Variants in RGS6 observed in about 807,000 individuals in gnomAD.
RGS6 encodes the protein regulator of G-protein signaling 6.
A neutral mutation model predicts 78.5 loss-of-function variants in RGS6; 30 were observed. The ratio of observed to expected loss-of-function variants is 0.38; its 90% CI spans 0.29 to 0.52. The LOEUF is 0.52. RGS6 is among the 20% of genes least tolerant of loss of function. The pLI is 0.85. For missense variants in RGS6, 495 were observed against 609.7 expected (o/e 0.81, Z 1.98); for synonymous variants, 206 against 206.0 (o/e 1.00, Z 0.00).
At chr14:72,316,896 A>AGT (rs71109731) in intron 2 of RGS6, among the ~76,000 whole-genome samples, 27,498 of 141,744 alleles carry the variant, frequency 0.19, 2,624 homozygotes, top group African/African-American at 0.24. Context: ...AAGCAGGTGA[A>AGT]GTGTGTGTGT....
At chr14:72,439,843 T>A (rs2095111284) in intron 3 of RGS6, among the ~76,000 whole-genome samples, 1 of 152,240 alleles carries the variant, frequency 6.6e-6, no homozygotes, top group Non-Finnish European at 1.5e-5. Context: ...TGCTGAAGGC[T>A]GTGGCTTCTG....
At position 71,932,670 on chromosome 14, in the gene RGS6, C is replaced by T. The variant is rs2088018720; in HGVS notation, c.-292C>T. On this transcript the variant is annotated 5_prime_UTR_variant, in exon 1 of 18. Coordinates refer to ENST00000553525, the MANE Select transcript of RGS6 (RefSeq NM_001204424.2). ...ACACCCTGTGCGCCCCGAGTCCCGG[C>T]ACCATGCGACCCGCCGCGCGTCCTC... The T allele has an allele frequency of 6.6e-6, 1 of 152,148 alleles. No individual in the cohort carries two copies. Among genetic ancestry groups the T allele is most frequent in the African/African-American group, 2.4e-5 (1 of 41,418 alleles). The allele number at this position is 152,148 out of a possible 1,614,324, so 9.4% of individuals were successfully genotyped here.
chr14:72,598,589 G>A, the RGS6 span, among the ~76,000 whole-genome samples: 57 of 152,292 alleles, frequency 3.7e-4, no homozygotes, highest in African/African-American at 1.3e-3. Flanking sequence ...GCGCAGCCTC[G>A]GAAGACAGAG....
chr14:72,168,108 A>G (rs1048253864), intron 2 of RGS6, among the ~76,000 whole-genome samples: 1 of 152,174 alleles, frequency 6.6e-6, no homozygotes, highest in African/African-American at 2.4e-5. Flanking sequence ...AAATTCTCAA[A>G]TGCTTTCAAG....
chr14:71,872,337 G>C, the RGS6 span, among the ~76,000 whole-genome samples: 10 of 152,180 alleles, frequency 6.6e-5, no homozygotes, highest in Admixed American at 5.2e-4. Context: ...GACTAGGTTT[G>C]CCTGATCTAT....
intron 2 of RGS6, among the ~76,000 whole-genome samples, chr14:72,296,928 A>G (rs1045867254): frequency 5.3e-4 from 80 of 152,208 alleles, no homozygotes; most frequent in African/African-American, 1.7e-3. Context: ...TATGTCTATG[A>G]TTCATCTTGA....
At chr14:72,452,618 G>A (rs1170243666) in intron 3 of RGS6, among the ~76,000 whole-genome samples, 1 of 152,212 alleles carries the variant, frequency 6.6e-6, no homozygotes, top group East Asian at 1.9e-4. Context: ...CTTCAGCCAG[G>A]AATCCAGCCC....
At chr14:72,131,371 A>C (rs981196930) in intron 2 of RGS6, among the ~76,000 whole-genome samples, 1 of 152,182 alleles carries the variant, frequency 6.6e-6, no homozygotes, top group Non-Finnish European at 1.5e-5. Flanking sequence ...TGTCTTAGGA[A>C]GAATCTTATT....
At chr14:72,350,611 C>A (rs2078932587) in intron 2 of RGS6, among the ~76,000 whole-genome samples, 1 of 152,152 alleles carries the variant, frequency 6.6e-6, no homozygotes, top group South Asian at 2.1e-4. Flanking sequence ...GTCCCCCTGG[C>A]ACATTGACCA....
the RGS6 span, among the ~76,000 whole-genome samples, chr14:71,898,507 TTTA>T: frequency 6.6e-6 from 1 of 152,190 alleles, no homozygotes; most frequent in Admixed American, 6.5e-5. Context: ...TACACTTTTT[TTTA>T]TTATTTTGCT....
chr14:72,274,446 G>C (rs1265680635), intron 2 of RGS6, among the ~76,000 whole-genome samples: 4 of 152,164 alleles, frequency 2.6e-5, no homozygotes, highest in African/African-American at 9.7e-5. Context: ...TTCCTCCCAT[G>C]GCCCCCTAGC....
chr14:72,448,550 TC>T (rs2095421616), intron 3 of RGS6, among the ~76,000 whole-genome samples: 2 of 152,128 alleles, frequency 1.3e-5, no homozygotes, highest in Non-Finnish European at 2.9e-5. Flanking sequence ...ACTTAGAATA[TC>T]CTTCCATTCA....
chr14:72,391,423 A>G (rs1314152263), intron 3 of RGS6, among the ~76,000 whole-genome samples: 3 of 152,154 alleles, frequency 2.0e-5, no homozygotes, highest in African/African-American at 7.2e-5. Flanking sequence ...CTCACCTCTC[A>G]TTTGAGAGAG....
chr14:71,996,251 C>A (rs948372035), intron 2 of RGS6, among the ~76,000 whole-genome samples: 2 of 151,818 alleles, frequency 1.3e-5, no homozygotes, highest in African/African-American at 4.8e-5. Flanking sequence ...TATTGGGCCA[C>A]TCCTAAGCAG....
chr14:72,445,039 C>A (rs1388490198), intron 3 of RGS6, among the ~76,000 whole-genome samples: 1 of 152,226 alleles, frequency 6.6e-6, no homozygotes, highest in African/African-American at 2.4e-5. Flanking sequence ...GTCTCTCAGC[C>A]TGGAGGTAAA....
At chr14:72,039,984 CT>C (rs2092240398) in intron 2 of RGS6, among the ~76,000 whole-genome samples, 1 of 151,910 alleles carries the variant, frequency 6.6e-6, no homozygotes, top group African/African-American at 2.4e-5. Context: ...CATAAAATTC[CT>C]TTACATCCCC....
chr14:71,908,546 TTCAG>T, the RGS6 span: 1 of 151,716 alleles, frequency 6.6e-6, no homozygotes, highest in East Asian at 1.9e-4. Context: ...CTTTTTTATA[TTCAG>T]TAAGTTGAAA....
chr14:72,136,839 T>C (rs1335403394), intron 2 of RGS6, among the ~76,000 whole-genome samples: 1 of 152,236 alleles, frequency 6.6e-6, no homozygotes, highest in African/African-American at 2.4e-5. Context: ...CATCAAATTG[T>C]TAGTTCAGTG....
chr14:72,454,656 C>A, intron 4 of RGS6, 78 bp downstream of exon 4: 1 of 1,129,422 alleles, frequency 8.9e-7, no homozygotes, highest in Non-Finnish European at 1.3e-6. Flanking sequence ...ACTAGATTCC[C>A]CTGCCCTCCT....
Sources: allele counts gnomAD v4.1 joint callset (sites outside exome capture counted in the v4.1 genomes callset), GRCh38; gene constraint gnomAD v4.1.1; transcripts MANE v1.5; gene names NCBI Gene and HGNC (gene_info 2026-07-23, HGNC 2026-07-21).